ASPH: variants seen among roughly 807,000 people sequenced by gnomAD.
ASPH encodes aspartyl/asparaginyl beta-hydroxylase.
Under a neutral mutation model 118.4 loss-of-function variants are expected in ASPH, and 100 were observed. The ratio of observed to expected loss-of-function variants is 0.84; its 90% CI spans 0.72 to 1.00. ASPH has a LOEUF of 1.00. ASPH is among the 50% of genes least tolerant of loss of function. ASPH has a pLI of 0.00. For synonymous variants in ASPH, 315 were observed against 325.6 expected, an observed-to-expected ratio of 0.97 and a Z score of 0.35; for missense variants, 920 against 919.5, an observed-to-expected ratio of 1.00 and a Z score of -0.01.
rs532746564 is a variant in ASPH at position 61,690,423 on chromosome 8, A to C, written c.104-6235T>G. ...GGGAGGTGAGGAGAGGGAAAGAAAA[A>C]TCTTCAGGAGTAAGAATAATGACCT... On this transcript the variant is annotated intron_variant, in intron 1 of 24. Transcript: ENST00000379454. 8.5e-5 allele frequency among the ~76,000 whole-genome samples: 13 copies of C among 152,252 alleles called. No homozygotes were observed. In the South Asian group the frequency reaches 2.7e-3, roughly 32 times the overall value.
intron 13 of ASPH, chr8:61,624,321 T>C: frequency 1.0e-6 from 1 of 985,366 alleles, no homozygotes; most frequent in Non-Finnish European, 1.2e-6. Context: ...CAGGGGCTAT[T>C]TAATTTTAAT....
intron 13 of ASPH, among the ~76,000 whole-genome samples, chr8:61,621,927 C>T (rs535824166): frequency 4.6e-5 from 7 of 152,188 alleles, no homozygotes; most frequent in African/African-American, 1.7e-4. Flanking sequence ...CCTGTCTTAA[C>T]GTTTTTTCTC....
chr8:61,675,926 T>C (rs1825066426), intron 3 of ASPH: 2 of 1,481,904 alleles, frequency 1.3e-6, no homozygotes, highest in Admixed American at 2.4e-5. Context: ...AGCTAGTAGC[T>C]GTACTGGGCA....
chr8:61,673,645 TAGG>T (rs1823743780), intron 3 of ASPH, among the ~76,000 whole-genome samples: 1 of 152,110 alleles, frequency 6.6e-6, no homozygotes, highest in Admixed American at 6.6e-5. Flanking sequence ...AGACATGAGG[TAGG>T]AAAAGACTTA....
chr8:61,555,111 T>C (rs934065305), intron 19 of ASPH, among the ~76,000 whole-genome samples: 1 of 152,168 alleles, frequency 6.6e-6, no homozygotes, highest in Non-Finnish European at 1.5e-5. Flanking sequence ...AAGGCATATT[T>C]TAATTTGAAT....
intron 23 of ASPH, 151 bp from the exon 24 acceptor site, chr8:61,517,812 A>T (rs1453099978): frequency 2.4e-6 from 3 of 1,232,890 alleles, no homozygotes; most frequent in Non-Finnish European, 1.1e-6. Flanking sequence ...TTTGTGAAGG[A>T]ACTAAAAATA....
intron 14 of ASPH, among the ~76,000 whole-genome samples, chr8:61,596,973 C>A (rs530857609): frequency 1.1e-4 from 17 of 151,704 alleles, no homozygotes; most frequent in South Asian, 4.2e-4. Context: ...TATATGAGAA[C>A]AGAGATAAAT....
chr8:61,610,466 G>A (rs1026094401), intron 14 of ASPH, among the ~76,000 whole-genome samples: 2 of 152,312 alleles, frequency 1.3e-5, no homozygotes, highest in African/African-American at 2.4e-5. Context: ...AGACTTGTAT[G>A]AGAGTCAGAA....
At chr8:61,651,588 G>A (rs780327458) in intron 4 of ASPH, among the ~76,000 whole-genome samples, 9 of 152,192 alleles carry the variant, frequency 5.9e-5, no homozygotes, top group Non-Finnish European at 1.3e-4. Context: ...AGAGGAGAAA[G>A]GGCACTCCTG....
intron 14 of ASPH, among the ~76,000 whole-genome samples, chr8:61,610,523 C>T (rs1846989724): frequency 6.6e-6 from 1 of 152,174 alleles, no homozygotes; most frequent in African/African-American, 2.4e-5. Flanking sequence ...ACAATAACTG[C>T]TGGTGTATTT....
chr8:61,677,824 A>G (rs796896121), intron 3 of ASPH, among the ~76,000 whole-genome samples: 2 of 152,300 alleles, frequency 1.3e-5, no homozygotes, highest in Admixed American at 6.5e-5. Context: ...CCAATATATT[A>G]TAAGTACTTC....
chr8:61,506,959 T>C (rs1047702582), intron 24 of ASPH, among the ~76,000 whole-genome samples: 3 of 152,174 alleles, frequency 2.0e-5, no homozygotes, highest in African/African-American at 7.2e-5. Context: ...TCAAAGTTTT[T>C]TGGGTGGCAG....
At chr8:61,549,403 A>T (rs1358515215) in intron 20 of ASPH, among the ~76,000 whole-genome samples, 1 of 152,196 alleles carries the variant, frequency 6.6e-6, no homozygotes, top group African/African-American at 2.4e-5. Context: ...CTGAACTAGC[A>T]TTTGGGGCTC....
intron 18 of ASPH, among the ~76,000 whole-genome samples, chr8:61,559,499 A>G (rs1829036036): frequency 6.6e-6 from 1 of 152,200 alleles, no homozygotes; most frequent in Non-Finnish European, 1.5e-5. Flanking sequence ...AACACAAAGC[A>G]CAGACAAAAA....
intron 1 of ASPH, among the ~76,000 whole-genome samples, chr8:61,696,901 A>G (rs1159275095): frequency 2.0e-5 from 3 of 152,236 alleles, no homozygotes; most frequent in Non-Finnish European, 4.4e-5. Flanking sequence ...CTTTAACTCT[A>G]AATTTCAAGG....
At chr8:61,663,610 T>C in intron 3 of ASPH, 1 of 985,332 alleles carries the variant, frequency 1.0e-6, no homozygotes, top group Non-Finnish European at 1.2e-6. Flanking sequence ...GCTGTAGAAT[T>C]CCCTTTTTGG....
intron 16 of ASPH, 132 bp downstream of exon 16, chr8:61,576,640 G>A (rs1835245761): frequency 1.5e-6 from 1 of 675,436 alleles, no homozygotes; most frequent in African/African-American, 1.8e-5. Flanking sequence ...TGTATTTCTT[G>A]CTTATGCATA....
chr8:61,538,322 G>A (rs1820429978), intron 21 of ASPH, among the ~76,000 whole-genome samples: 1 of 152,132 alleles, frequency 6.6e-6, no homozygotes, highest in African/African-American at 2.4e-5. Flanking sequence ...AAGTGTCATC[G>A]AAACCCAAAC....
chr8:61,668,227 A>G, intron 3 of ASPH: 1 of 1,604,424 alleles, frequency 6.2e-7, no homozygotes, highest in Non-Finnish European at 8.5e-7. Context: ...TGAAAAAATG[A>G]AAATACCTTT....
Sources: allele counts gnomAD v4.1 joint callset (sites outside exome capture counted in the v4.1 genomes callset), GRCh38; gene constraint gnomAD v4.1.1; transcripts MANE v1.5; gene names NCBI Gene and HGNC (gene_info 2026-07-23, HGNC 2026-07-21).